SPATA6L: variants seen among roughly 807,000 people sequenced by gnomAD.
The protein encoded by SPATA6L is spermatogenesis associated 6-like protein.
In SPATA6L, 68 loss-of-function variants were observed where a neutral mutation model predicts 49.2. That is an observed-to-expected ratio of 1.38 (90% confidence interval 1.14 to 1.69). The LOEUF (loss-of-function observed/expected upper bound fraction) is 1.69, where lower values mean the gene tolerates loss of function less well. SPATA6L is among the 40% of genes most tolerant of loss of function. The pLI, the probability that SPATA6L is intolerant of heterozygous loss-of-function variation, is 0.00. For synonymous variants in SPATA6L, 198 were observed against 165.7 expected, an observed-to-expected ratio of 1.19 and a Z score of -1.50; for missense variants, 668 against 464.3, an observed-to-expected ratio of 1.44 and a Z score of -4.03.
chr9:4,618,818 G>A (rs1260088964), intron 8 of SPATA6L, 46 bp downstream of exon 8: 1 of 1,547,282 alleles, frequency 6.5e-7, no homozygotes, highest in Non-Finnish European at 8.9e-7. Context: ...ATTGACATAA[G>A]ATATCTGGAA....
chr9:4,638,473 G>C (rs10116303), intron 3 of SPATA6L, among the ~76,000 whole-genome samples: 3 of 152,000 alleles, frequency 2.0e-5, no homozygotes. Flanking sequence ...TCAGCCTCCC[G>C]AAGTGCTGGG....
chr9:4,643,737 G>T (rs1434218124), intron 3 of SPATA6L, among the ~76,000 whole-genome samples: 1 of 152,204 alleles, frequency 6.6e-6, no homozygotes, highest in Non-Finnish European at 1.5e-5. Flanking sequence ...GGGGGCAGTG[G>T]CTCACGTCTG....
intron 5 of SPATA6L, chr9:4,627,590 T>G (rs1830586159): frequency 6.9e-6 from 3 of 433,364 alleles, no homozygotes. Flanking sequence ...TTATTCCTTC[T>G]CCATCTTGTT....
rs148024236 is a variant in SPATA6L at position 4,658,250 on chromosome 9, G to C, written c.178-2161C>G. ...TAAGGATTTTCTCAAGTATGATCTT[G>C]GGGAGTAAATAATCAACATGAACTG... On this transcript the variant is annotated intron_variant, in intron 2 of 11. Coordinates refer to ENST00000682582, the MANE Select transcript of SPATA6L (RefSeq NM_001353486.2). 5.9e-5 allele frequency among the ~76,000 whole-genome samples: 9 copies of C among 152,264 alleles called. No individual in the cohort carries two copies. In the East Asian group the frequency reaches 1.7e-3, roughly 29 times the overall value.
intron 3 of SPATA6L, among the ~76,000 whole-genome samples, chr9:4,635,864 C>T (rs543380602): frequency 6.6e-6 from 1 of 152,196 alleles, no homozygotes; most frequent in East Asian, 1.9e-4. Context: ...AGCAGGGGTA[C>T]CAACCCCGAG....
chr9:4,647,253 G>C (rs1835606072), intron 3 of SPATA6L, among the ~76,000 whole-genome samples: 1 of 151,992 alleles, frequency 6.6e-6, no homozygotes, highest in African/African-American at 2.4e-5. Context: ...AGTTTATCTT[G>C]CTTACAACAT....
chr9:4,615,121 A>G (rs758507047), intron 9 of SPATA6L, among the ~76,000 whole-genome samples: 1 of 151,616 alleles, frequency 6.6e-6, no homozygotes, highest in Non-Finnish European at 1.5e-5. Context: ...TCATAAACCA[A>G]TCTTCTCTCC....
At chr9:4,616,962 A>C (rs1203824263) in intron 9 of SPATA6L, among the ~76,000 whole-genome samples, 2 of 152,228 alleles carry the variant, frequency 1.3e-5, no homozygotes, top group Non-Finnish European at 2.9e-5. Flanking sequence ...TCATACGTTA[A>C]TGGATTTTAT....
In SPATA6L at chr9:4,649,639, T is replaced by A. The variant is rs1370478470; in HGVS notation, c.226+6402A>T. On this transcript the variant is annotated intron_variant, in intron 3 of 11. Coordinates refer to ENST00000682582, the MANE Select transcript of SPATA6L (RefSeq NM_001353486.2). Reference sequence around the variant, plus strand: ...ATCCGCAAGATACTTCACTGAAAAATCCTATTCTTCCACAGAGCGAGTTAA... The same window carrying A: ...ATCCGCAAGATACTTCACTGAAAAAACCTATTCTTCCACAGAGCGAGTTAA... 2.0e-5 allele frequency among the ~76,000 whole-genome samples: 3 copies of A among 152,190 alleles called. No individual in the cohort carries two copies. The East Asian group carries it at 5.8e-4, about 29-fold the overall frequency.
At chr9:4,650,478 A>G (rs1284487978) in intron 3 of SPATA6L, among the ~76,000 whole-genome samples, 1 of 152,218 alleles carries the variant, frequency 6.6e-6, no homozygotes, top group Non-Finnish European at 1.5e-5. Flanking sequence ...AGCAGAAAGT[A>G]ATGAAATAGA....
intron 3 of SPATA6L, among the ~76,000 whole-genome samples, chr9:4,639,672 C>CA (rs1215162077): frequency 6.6e-6 from 1 of 152,202 alleles, no homozygotes; most frequent in African/African-American, 2.4e-5. Context: ...TGAAAGAACT[C>CA]AATGTTCTTC....
At chr9:4,606,712 C>G (rs1449231072) in intron 9 of SPATA6L, among the ~76,000 whole-genome samples, 3 of 139,766 alleles carry the variant, frequency 2.1e-5, no homozygotes, top group Non-Finnish European at 3.1e-5. Flanking sequence ...AACAGAAAAA[C>G]TGGAAACTCT....
intron 5 of SPATA6L, chr9:4,627,389 A>G (rs1348573584): frequency 6.0e-6 from 1 of 166,146 alleles, no homozygotes; most frequent in African/African-American, 2.4e-5. Context: ...TGAGTTATTT[A>G]GCTAAGAGTT....
chr9:4,657,950 C>T lies in SPATA6L; in HGVS notation c.178-1861G>A, dbSNP rs143561337. ...AGCCGCCCCAGCCTAATGACTTCCC[C>T]CACCCCCAATTTTTTTAACAGTACA... is the stretch of plus-strand genomic sequence containing the variant. On this transcript the variant is annotated intron_variant, in intron 2 of 11. Coordinates refer to ENST00000682582, the MANE Select transcript of SPATA6L (RefSeq NM_001353486.2). Among the ~76,000 whole-genome samples the T allele has an allele frequency of 3.2e-3, 485 of 152,214 alleles. 5 individuals are homozygous for T. The highest frequency in any genetic ancestry group is 0.011 in the African/African-American group (471 of 41,532).
rs527618533 is a variant in SPATA6L, at chr9:4,634,547, A to G, written c.351+728T>C. Among the ~76,000 whole-genome samples, 5 of 152,322 alleles carry G rather than the reference A, an allele frequency of 3.3e-5. No individual in the cohort carries two copies. In the East Asian group the frequency reaches 9.6e-4, roughly 29 times the overall value. ...CTGCACAGTACTCTCAACAAAGTAG[A>G]AACAATAACAAATTATATTAATTGA... On this transcript the variant is annotated intron_variant, in intron 4 of 11. Coordinates refer to ENST00000682582, the MANE Select transcript of SPATA6L (RefSeq NM_001353486.2).
At chr9:4,596,558 T>C (rs1292357268), downstream of SPATA6L, 1 of 152,174 alleles carries the variant, frequency 6.6e-6, no homozygotes, top group East Asian at 1.9e-4. Context: ...GGAAAGTTTA[T>C]TTGGGGGTGG....
At chr9:4,665,641 G>C (rs1394190162) in intron 1 of SPATA6L, among the ~76,000 whole-genome samples, 1 of 152,220 alleles carries the variant, frequency 6.6e-6, no homozygotes. Flanking sequence ...ATAAGAGGGA[G>C]TGACAGACCC....
chr9:4,651,092 T>C (rs932892287), intron 3 of SPATA6L, among the ~76,000 whole-genome samples: 2 of 151,882 alleles, frequency 1.3e-5, no homozygotes, highest in Admixed American at 6.6e-5. Flanking sequence ...AGCCTCAACC[T>C]CCCTGACTCA....
Position 4,598,403 on chromosome 9 carries a change from C to A in SPATA6L, c.*2408G>T, listed in dbSNP as rs1265554352. Among the ~76,000 whole-genome samples the A allele has an allele frequency of 6.6e-6, 1 of 152,164 alleles. No homozygotes were observed. Among genetic ancestry groups the A allele is most frequent in the Non-Finnish European group, 1.5e-5 (1 of 68,038 alleles). On this transcript the variant is annotated 3_prime_UTR_variant, in exon 12 of 12. Coordinates refer to ENST00000682582, the MANE Select transcript of SPATA6L (RefSeq NM_001353486.2). ...AAAATTATTCATACTATTATACACT[C>A]CAAAAGCAAAATACTTCAACTGCAA...
Sources: gnomAD v4.1 joint callset for allele counts (sites outside exome capture counted in the v4.1 genomes callset) on GRCh38, gnomAD v4.1.1 for gene constraint, MANE v1.5 for transcripts, NCBI Gene and HGNC (gene_info 2026-07-23, HGNC 2026-07-21) for gene names.